PDSS2: variants seen among roughly 807,000 people sequenced by gnomAD.
PDSS2 encodes the protein all trans-polyprenyl-diphosphate synthase PDSS2.
Under a neutral mutation model 44.5 loss-of-function variants are expected in PDSS2, and 31 were observed. The ratio of observed to expected loss-of-function variants is 0.70; its 90% confidence interval spans 0.52 to 0.94. PDSS2 has a LOEUF of 0.94. Among genes scored for constraint, PDSS2 ranks in the 40% least tolerant of loss-of-function variants. The probability of loss-of-function intolerance (pLI) is 0.00; values close to 1 mark genes in which losing one functional copy is unlikely to be tolerated. For missense variants in PDSS2, 452 were observed against 482.2 expected (o/e 0.94, Z 0.59); for synonymous variants, 157 against 180.3 (o/e 0.87, Z 1.03).
chr6:107,435,981 G>A (rs2114778963), intron 1 of PDSS2, among the ~76,000 whole-genome samples: 1 of 152,132 alleles, frequency 6.6e-6, no homozygotes, highest in Admixed American at 6.5e-5. Flanking sequence ...AAGAGCCTTT[G>A]GTGAGTCACA....
chr6:107,320,405 T>C (rs1205452415), intron 2 of PDSS2, among the ~76,000 whole-genome samples: 1 of 152,202 alleles, frequency 6.6e-6, no homozygotes, highest in Non-Finnish European at 1.5e-5. Context: ...CCTTGAAATG[T>C]TGTCTCTAAT....
chr6:107,319,514 C>T (rs1319524025), intron 2 of PDSS2, among the ~76,000 whole-genome samples: 5 of 152,022 alleles, frequency 3.3e-5, no homozygotes, highest in African/African-American at 9.7e-5. Context: ...TGGTACCTGA[C>T]GTTAGGGGCC....
intron 1 of PDSS2, among the ~76,000 whole-genome samples, chr6:107,417,768 T>G (rs1780706395): frequency 8.8e-6 from 1 of 114,224 alleles, no homozygotes; most frequent in South Asian, 2.9e-4. Flanking sequence ...TTCAAAAAAA[T>G]TAATAATAAT....
At chr6:107,335,630 G>A (rs1777862350) in intron 1 of PDSS2, among the ~76,000 whole-genome samples, 1 of 152,090 alleles carries the variant, frequency 6.6e-6, no homozygotes, top group Non-Finnish European at 1.5e-5. Context: ...TGCTATACCT[G>A]AGGCTAGAAA....
At chr6:107,177,845 T>A in intron 7 of PDSS2, among the ~76,000 whole-genome samples, 1 of 152,308 alleles carries the variant, frequency 6.6e-6, no homozygotes, top group South Asian at 2.1e-4. Context: ...TGTAATCTCA[T>A]GACAAATACT....
intron 7 of PDSS2, among the ~76,000 whole-genome samples, chr6:107,172,897 A>C (rs1282957112): frequency 6.6e-6 from 1 of 151,554 alleles, no homozygotes; most frequent in Non-Finnish European, 1.5e-5. Flanking sequence ...AGGCCGAGGC[A>C]GGCAGATCAC....
At chr6:107,325,500 A>G (rs1777516541) in intron 2 of PDSS2, among the ~76,000 whole-genome samples, 1 of 152,232 alleles carries the variant, frequency 6.6e-6, no homozygotes, top group Non-Finnish European at 1.5e-5. Context: ...ACAGATGGCA[A>G]ATTTTAAAAA....
At position 107,286,136 on chromosome 6, in the gene PDSS2, T is replaced by TAAAATAAA. The variant is rs67225192; in HGVS notation, c.432-11910_432-11909insTTTATTTT. On this transcript the variant is annotated intron_variant, in intron 2 of 7. Transcript: ENST00000369037. ...CAAGGAGCAAAACTTCGTCGCAAAA[T>TAAAATAAA]AAAAAAAAAAAAAAGGAAAGAAAAG... 6.2e-5 allele frequency among the ~76,000 whole-genome samples: 8 copies of TAAAATAAA among 128,742 alleles called. 1 individual carries two copies. The highest frequency in any genetic ancestry group is 1.1e-4 in the Non-Finnish European group (7 of 63,324). 84.5% of individuals were successfully genotyped at this position (128,742 alleles called of 152,430 possible).
chr6:107,358,252 A>G (rs1056456277), intron 1 of PDSS2, among the ~76,000 whole-genome samples: 2 of 152,228 alleles, frequency 1.3e-5, no homozygotes, highest in Admixed American at 1.3e-4. Context: ...AAGATATCTC[A>G]TTATATATAT....
At position 107,193,643 on chromosome 6, in the gene PDSS2, TAATA is replaced by T. The variant is rs145219157; in HGVS notation, c.1041+175_1041+178del. On this transcript the variant is annotated intron_variant, in intron 7 of 7. Transcript: ENST00000369037. Reference sequence around the variant, plus strand: ...TGTCTGGAATGAAACAGGTACTCAATAATAAATAGACTTCTTGTTGAATGAACCT... The same window carrying T: ...TGTCTGGAATGAAACAGGTACTCAATAATAGACTTCTTGTTGAATGAACCT... 5.9e-3 allele frequency among the ~76,000 whole-genome samples: 904 copies of T among 152,300 alleles called. 9 individuals are homozygous for T. The highest frequency in any genetic ancestry group is 0.021 in the African/African-American group (863 of 41,552).
intron 1 of PDSS2, among the ~76,000 whole-genome samples, chr6:107,373,118 G>GGACT (rs1380129654): frequency 1.3e-5 from 2 of 151,814 alleles, no homozygotes; most frequent in East Asian, 3.9e-4. Context: ...CAAGTAGCTG[G>GGACT]GACTACAGGC....
chr6:107,244,426 T>C (rs1266089167), intron 4 of PDSS2, among the ~76,000 whole-genome samples: 1 of 152,204 alleles, frequency 6.6e-6, no homozygotes, highest in Non-Finnish European at 1.5e-5. Flanking sequence ...AGTCACCCAT[T>C]TTACAATCAG....
intron 1 of PDSS2, among the ~76,000 whole-genome samples, chr6:107,395,665 T>C (rs1779917499): frequency 6.6e-6 from 1 of 152,240 alleles, no homozygotes; most frequent in South Asian, 2.1e-4. Context: ...TACTTGAATA[T>C]ATTGAATATA....
At chr6:107,162,215 C>T (rs1771157915) in intron 7 of PDSS2, among the ~76,000 whole-genome samples, 1 of 151,926 alleles carries the variant, frequency 6.6e-6, no homozygotes, top group South Asian at 2.1e-4. Context: ...AGAGAATTCC[C>T]GGCCGGGCGC....
intron 7 of PDSS2, among the ~76,000 whole-genome samples, chr6:107,181,754 G>A (rs1268981581): frequency 6.6e-6 from 1 of 151,264 alleles, no homozygotes; most frequent in Non-Finnish European, 1.5e-5. Context: ...GCCAGGCATG[G>A]TGGTGCACAC....
At chr6:107,180,202 A>C (rs1212837176) in intron 7 of PDSS2, among the ~76,000 whole-genome samples, 2 of 152,168 alleles carry the variant, frequency 1.3e-5, no homozygotes, top group Non-Finnish European at 2.9e-5. Flanking sequence ...ACATAAAGAC[A>C]TACAGGCTCT....
At chr6:107,187,600 G>T (rs534934451) in intron 7 of PDSS2, among the ~76,000 whole-genome samples, 174 of 151,666 alleles carry the variant, frequency 1.1e-3, no homozygotes, top group Non-Finnish European at 2.1e-3. Context: ...GGAGGCAGAG[G>T]TTGCAGTGAG....
At chr6:107,420,781 G>T (rs780068401) in intron 1 of PDSS2, among the ~76,000 whole-genome samples, 1 of 149,846 alleles carries the variant, frequency 6.7e-6, no homozygotes, top group Non-Finnish European at 1.5e-5. Context: ...CTAGGGCTAG[G>T]AAAAGAGTTC....
intron 2 of PDSS2, among the ~76,000 whole-genome samples, chr6:107,308,403 C>T (rs1392666362): frequency 6.6e-6 from 1 of 152,008 alleles, no homozygotes; most frequent in East Asian, 1.9e-4. Context: ...TTTCTTTTAT[C>T]GACGACTATG....
Sources: allele counts gnomAD v4.1 joint callset (sites outside exome capture counted in the v4.1 genomes callset), GRCh38; gene constraint gnomAD v4.1.1; transcripts MANE v1.5; gene names NCBI Gene and HGNC (gene_info 2026-07-23, HGNC 2026-07-21).